BNC2: variants seen among roughly 807,000 people sequenced by gnomAD.
BNC2 encodes basonuclin zinc finger protein 2.
In BNC2, 20 loss-of-function variants were observed where a neutral mutation model predicts 76.3. The observed-to-expected ratio is 0.26, with a 90% CI of 0.18 to 0.38. The LOEUF (loss-of-function observed/expected upper bound fraction) is 0.38. BNC2 is among the 10% of genes least tolerant of loss of function. The pLI, the probability that BNC2 is intolerant of heterozygous loss-of-function variation, is 1.00. For missense variants in BNC2, 1,382 were observed against 1,399.8 expected (o/e 0.99, Z 0.20); for synonymous variants, 582 against 514.8 (o/e 1.13, Z -1.77).
chr9:16,839,648 T>C (rs1818782027), intron 1 of BNC2, among the ~76,000 whole-genome samples: 1 of 152,202 alleles, frequency 6.6e-6, no homozygotes, highest in Non-Finnish European at 1.5e-5. Flanking sequence ...GCGCCATCAC[T>C]ATATGCCTAT....
At chr9:16,858,723 GTAGTCCCA>G (rs985347578) in intron 1 of BNC2, among the ~76,000 whole-genome samples, 1 of 131,852 alleles carries the variant, frequency 7.6e-6, no homozygotes, top group African/African-American at 2.4e-5. Context: ...GCGGGTGCCT[GTAGTCCCA>G]GCTACTCGGG....
intron 6 of BNC2, 30 bp downstream of exon 6, chr9:16,435,525 A>C (rs756952126): frequency 1.1e-5 from 17 of 1,612,220 alleles, no homozygotes; most frequent in Non-Finnish European, 1.4e-5. Flanking sequence ...CTCCACCCCC[A>C]GCAGGAGCAG....
Position 16,749,467 on chromosome 9 carries a change from G to A in BNC2, c.4-10982C>T, listed in dbSNP as rs190973130. On this transcript the variant is annotated intron_variant, in intron 1 of 6. Transcript: ENST00000380672. Reference sequence around the variant, plus strand: ...TCCCAGCACCCTGGGAGACCAGGGCGGGAAAGTCAACAGCTTGAGCCCGGT... The same window carrying A: ...TCCCAGCACCCTGGGAGACCAGGGCAGGAAAGTCAACAGCTTGAGCCCGGT... Among the ~76,000 whole-genome samples, 57 of 152,240 alleles carry A rather than the reference G, an allele frequency of 3.7e-4. 1 individual carries two copies. The highest frequency in any genetic ancestry group is 1.2e-3 in the African/African-American group (50 of 41,556).
chr9:16,609,009 A>G (rs1298993755), intron 3 of BNC2, among the ~76,000 whole-genome samples: 2 of 152,062 alleles, frequency 1.3e-5, no homozygotes, highest in Non-Finnish European at 2.9e-5. Flanking sequence ...GGATCTTGGG[A>G]TTTTTCTGTG....
intron 1 of BNC2, among the ~76,000 whole-genome samples, chr9:16,800,054 A>T (rs1467914391): frequency 6.6e-6 from 1 of 151,954 alleles, no homozygotes. Flanking sequence ...GGGAAACCCC[A>T]TCTCTACTAA....
At chr9:16,537,319 C>A (rs886801828) in intron 5 of BNC2, among the ~76,000 whole-genome samples, 1 of 151,918 alleles carries the variant, frequency 6.6e-6, no homozygotes, top group South Asian at 2.1e-4. Flanking sequence ...GAATCGCACT[C>A]GAAACACTAT....
intron 5 of BNC2, among the ~76,000 whole-genome samples, chr9:16,523,551 G>C (rs938694343): frequency 6.6e-6 from 1 of 151,304 alleles, no homozygotes; most frequent in African/African-American, 2.4e-5. Context: ...CTGTGAAGGT[G>C]AATCTTGTTA....
intron 1 of BNC2, among the ~76,000 whole-genome samples, chr9:16,799,220 C>A (rs1010110364): frequency 1.3e-5 from 2 of 152,124 alleles, no homozygotes; most frequent in African/African-American, 4.8e-5. Context: ...ACTCCAGAGG[C>A]AACAACTGAT....
intron 3 of BNC2, among the ~76,000 whole-genome samples, chr9:16,704,030 A>AC (rs1362297642): frequency 6.6e-6 from 1 of 152,248 alleles, no homozygotes; most frequent in African/African-American, 2.4e-5. Flanking sequence ...AGTAAAATTC[A>AC]AACTATTATT....
intron 5 of BNC2, among the ~76,000 whole-genome samples, chr9:16,512,996 A>G (rs1822795248): frequency 6.6e-6 from 1 of 151,926 alleles, no homozygotes; most frequent in South Asian, 2.1e-4. Flanking sequence ...TTAGCTGGGT[A>G]TTTTGGCGCA....
At chr9:16,804,660 A>C (rs1342137504) in intron 1 of BNC2, among the ~76,000 whole-genome samples, 1 of 152,262 alleles carries the variant, frequency 6.6e-6, no homozygotes, top group Non-Finnish European at 1.5e-5. Context: ...TGATACGCAC[A>C]GAATGAACAG....
intron 2 of BNC2, 28 bp downstream of exon 2, chr9:16,738,332 T>C: frequency 6.7e-7 from 1 of 1,493,480 alleles, no homozygotes; most frequent in Non-Finnish European, 8.9e-7. Context: ...CCAAGTAACT[T>C]AAAGGGGGAA....
At chr9:16,695,445 A>C (rs940148607) in intron 3 of BNC2, among the ~76,000 whole-genome samples, 17 of 151,986 alleles carry the variant, frequency 1.1e-4, no homozygotes, top group African/African-American at 4.1e-4. Flanking sequence ...CTCCAACTAA[A>C]GCAACCTTCT....
intron 3 of BNC2, among the ~76,000 whole-genome samples, chr9:16,663,730 T>A (rs1251885044): frequency 6.6e-6 from 1 of 152,176 alleles, no homozygotes; most frequent in Non-Finnish European, 1.5e-5. Context: ...TGCTGGGATA[T>A]CTAATCCACT....
intron 3 of BNC2, among the ~76,000 whole-genome samples, chr9:16,627,662 C>T (rs1348808132): frequency 6.6e-6 from 1 of 152,120 alleles, no homozygotes; most frequent in East Asian, 1.9e-4. Context: ...TATTGTTCTC[C>T]TCACACCCTG....
In BNC2 at chr9:16,457,517, G is replaced by A. The variant is rs73645980; in HGVS notation, c.670-19993C>T. Among the ~76,000 whole-genome samples, 714 of 152,220 alleles carry A rather than the reference G, an allele frequency of 4.7e-3. 4 individuals are homozygous for A. The highest frequency in any genetic ancestry group is 0.016 in the African/African-American group (678 of 41,542). On this transcript the variant is annotated intron_variant, in intron 5 of 6. Transcript: ENST00000380672. Reference sequence around the variant, plus strand: ...CACGCTTCCAGTGGTGCTCCCAGAGGAGTCACATAGGATGCATGTAATTTC... The same window carrying A: ...CACGCTTCCAGTGGTGCTCCCAGAGAAGTCACATAGGATGCATGTAATTTC...
chr9:16,495,905 CTTTTTCTTT>C (rs920306016), intron 5 of BNC2, among the ~76,000 whole-genome samples: 4 of 146,944 alleles, frequency 2.7e-5, no homozygotes, highest in African/African-American at 1.1e-4. Context: ...TTTTCTTTTT[CTTTTTCTTT>C]TTTTTTTTTT....
At chr9:16,716,253 T>A (rs1823992484) in intron 3 of BNC2, among the ~76,000 whole-genome samples, 1 of 152,214 alleles carries the variant, frequency 6.6e-6, no homozygotes, top group Admixed American at 6.5e-5. Flanking sequence ...AGTCAACATT[T>A]AAGATGCATG....
chr9:16,800,085 C>G (rs1817745704), intron 1 of BNC2, among the ~76,000 whole-genome samples: 1 of 152,084 alleles, frequency 6.6e-6, no homozygotes, highest in South Asian at 2.1e-4. Context: ...ATTAGCCAGG[C>G]ATGGTAGCAG....
Sources: gnomAD v4.1 joint callset for allele counts (sites outside exome capture counted in the v4.1 genomes callset) on GRCh38, gnomAD v4.1.1 for gene constraint, MANE v1.5 for transcripts, NCBI Gene and HGNC (gene_info 2026-07-23, HGNC 2026-07-21) for gene names.